TSPAN19: variants seen among roughly 807,000 people sequenced by gnomAD.
TSPAN19 encodes the protein tetraspanin-19.
A neutral mutation model predicts 35.1 loss-of-function variants in TSPAN19; 44 were observed. That is an observed-to-expected ratio of 1.25 (90% CI 0.98 to 1.61). TSPAN19 has a LOEUF of 1.61. Ranked by LOEUF, TSPAN19 falls within the 40% of genes most tolerant of loss-of-function variation. The pLI is 0.00. For synonymous variants in TSPAN19, 79 were observed against 92.0 expected (o/e 0.86, Z 0.81); for missense variants, 290 against 280.0 (o/e 1.04, Z -0.26).
chr12:85,017,077 C>T (rs764758477), intron 7 of TSPAN19: 1 of 196,400 alleles, frequency 5.1e-6, no homozygotes, highest in African/African-American at 2.4e-5. Flanking sequence ...GGTCCACTCC[C>T]TTTAGTTTTT....
chr12:85,031,668 C>G (rs1004043748), intron 1 of TSPAN19, among the ~76,000 whole-genome samples: 12 of 152,146 alleles, frequency 7.9e-5, no homozygotes, highest in African/African-American at 2.4e-4. Context: ...TTGGAGCTAA[C>G]TCTGGCCTGT....
At chr12:85,033,626 C>T (rs564389463) in intron 1 of TSPAN19, among the ~76,000 whole-genome samples, 40 of 152,028 alleles carry the variant, frequency 2.6e-4, no homozygotes, top group Non-Finnish European at 4.6e-4. Context: ...CCTTTATCGT[C>T]GATATTTTGC....
chr12:85,020,041 T>C (rs1273740002), intron 5 of TSPAN19, among the ~76,000 whole-genome samples: 1 of 151,930 alleles, frequency 6.6e-6, no homozygotes, highest in Non-Finnish European at 1.5e-5. Flanking sequence ...GGAAAAAAAC[T>C]GTAAAAGTAT....
At chr12:85,017,951 C>T (rs997415015) in intron 6 of TSPAN19, among the ~76,000 whole-genome samples, 1 of 151,822 alleles carries the variant, frequency 6.6e-6, no homozygotes. Flanking sequence ...TTGCTCCCAA[C>T]TGTAGCAGTT....
At chr12:85,034,062 C>T (rs1372483559) in intron 1 of TSPAN19, among the ~76,000 whole-genome samples, 3 of 151,974 alleles carry the variant, frequency 2.0e-5, no homozygotes, top group Non-Finnish European at 2.9e-5. Flanking sequence ...GTCATGACAG[C>T]AGCTGGGAGG....
rs1877607703 is a variant in TSPAN19, at chr12:85,029,929, TTTG to T, written c.15_17del (p.Asn5del). 2.1e-6 allele frequency: 3 copies of T among 1,457,166 alleles called. No individual in the cohort carries two copies. The highest frequency in any genetic ancestry group is 2.9e-5 in the African/African-American group (2 of 69,498). 90.3% of individuals were successfully genotyped at this position (1,457,166 alleles called of 1,614,324 possible). On this transcript the variant is annotated inframe_deletion, in exon 2 of 9. Coordinates refer to ENST00000532498, the MANE Select transcript of TSPAN19 (RefSeq NM_001100917.2). Reference sequence around the variant, plus strand: ...TAAGAAAGTACTTAATAATTATTGTTTTGTTATTTCTTAACATTCTTTTTCTTC... The same window carrying T: ...TAAGAAAGTACTTAATAATTATTGTTTTATTTCTTAACATTCTTTTTCTTC...
rs1175088888 is a variant in TSPAN19, at chr12:85,017,514, G to T, written c.536C>A (p.Thr179Lys). Residue 179 changes from threonine to lysine, a missense_variant, in exon 7 of 9, where the codon ACA becomes AAA. Coordinates refer to ENST00000532498, the MANE Select transcript of TSPAN19 (RefSeq NM_001100917.2). The part of the protein sequence containing the change: ...ENSGQVPCSC[T>K]KSTLRKWFCD... ...AAACCATTTTCTTAAAGTTGACTTTGTGCAAGAACATGGCACCTGTCCTGA... is the reference window on the plus strand; with the variant it reads ...AAACCATTTTCTTAAAGTTGACTTTTTGCAAGAACATGGCACCTGTCCTGA... The T allele has an allele frequency of 6.2e-7, 1 of 1,606,558 alleles. No individual in the cohort carries two copies. Among genetic ancestry groups the T allele is most frequent in the East Asian group, 2.2e-5 (1 of 44,556 alleles).
At chr12:85,023,845 GCTATTTC>G (rs1200046974) in intron 4 of TSPAN19, among the ~76,000 whole-genome samples, 1 of 151,988 alleles carries the variant, frequency 6.6e-6, no homozygotes, top group East Asian at 1.9e-4. Context: ...GTATACTTGG[GCTATTTC>G]CTGAAAACTG....
In TSPAN19 at chr12:85,036,267, CG is replaced by C. The variant is rs1308817532; in HGVS notation, c.-92del. On this transcript the variant is annotated 5_prime_UTR_variant, in exon 1 of 9. Coordinates refer to ENST00000532498, the MANE Select transcript of TSPAN19 (RefSeq NM_001100917.2). The stretch of plus-strand genomic sequence containing the variant: ...TGCTGCGTTCGTTTCAATTTAGAAT[CG>C]AGATTGTTTGTCCTTCTAGAGCACC... The C allele has an allele frequency of 6.6e-6, 1 of 152,192 alleles. No homozygotes were observed. The highest frequency in any genetic ancestry group is 1.5e-5 in the Non-Finnish European group (1 of 68,038). 9.4% of individuals were successfully genotyped at this position (152,192 alleles called of 1,614,324 possible).
intron 3 of TSPAN19, among the ~76,000 whole-genome samples, chr12:85,029,403 C>T (rs1024398792): frequency 7.2e-5 from 11 of 151,952 alleles, no homozygotes; most frequent in African/African-American, 2.4e-4. Flanking sequence ...TTAGCATGTC[C>T]GGTCATCTCA....
intron 4 of TSPAN19, among the ~76,000 whole-genome samples, chr12:85,025,638 G>A (rs994495882): frequency 1.3e-5 from 2 of 151,954 alleles, no homozygotes; most frequent in Admixed American, 1.3e-4. Flanking sequence ...CGATTCTCCT[G>A]CCTCAGCCTT....
At chr12:85,018,784 C>T (rs1876957184) in intron 6 of TSPAN19, among the ~76,000 whole-genome samples, 1 of 151,822 alleles carries the variant, frequency 6.6e-6, no homozygotes, top group African/African-American at 2.4e-5. Context: ...GCTGCGCAAT[C>T]CTCATTAAAT....
At chr12:85,021,391 G>A (rs1877115970) in intron 5 of TSPAN19, among the ~76,000 whole-genome samples, 1 of 151,908 alleles carries the variant, frequency 6.6e-6, no homozygotes, top group African/African-American at 2.4e-5. Flanking sequence ...ATACATTTAA[G>A]AAGATTAGAA....
intron 8 of TSPAN19, chr12:85,015,364 A>G (rs1876734893): frequency 6.6e-6 from 1 of 152,012 alleles, no homozygotes; most frequent in African/African-American, 2.4e-5. Context: ...TATATTCAAC[A>G]TCTAGTACAG....
At chr12:85,020,211 T>G (rs1179385481) in intron 5 of TSPAN19, among the ~76,000 whole-genome samples, 1 of 151,854 alleles carries the variant, frequency 6.6e-6, no homozygotes, top group Non-Finnish European at 1.5e-5. Context: ...ACTATAGTTA[T>G]GCAAGTTATA....
In TSPAN19 at chr12:85,022,000, T is replaced by C. The variant is rs530095829; in HGVS notation, c.339+1326A>G. 3.5e-4 allele frequency among the ~76,000 whole-genome samples: 53 copies of C among 152,234 alleles called. 1 individual carries two copies. In the South Asian group the frequency reaches 0.01, roughly 29 times the overall value. On this transcript the variant is annotated intron_variant, in intron 5 of 8. Coordinates refer to ENST00000532498, the MANE Select transcript of TSPAN19 (RefSeq NM_001100917.2). The stretch of plus-strand genomic sequence containing the variant: ...TTAATCAGTTCTTATTTCTAATATA[T>C]AGAGAGATACAGGAGTGTGTGCATA...
At chr12:85,014,622 C>A in intron 8 of TSPAN19, 67 bp from the exon 9 acceptor site, 1 of 1,205,176 alleles carries the variant, frequency 8.3e-7, no homozygotes, top group Non-Finnish European at 1.2e-6. Flanking sequence ...GCAAAGTTAA[C>A]AATATATAGT....
intron 3 of TSPAN19, 51 bp from the exon 4 acceptor site, chr12:85,028,074 G>T (rs551983101): frequency 1.4e-6 from 2 of 1,380,172 alleles, no homozygotes; most frequent in African/African-American, 1.5e-5. Flanking sequence ...TATATGAAGT[G>T]GTATTTTATT....
chr12:85,028,167 T>C, intron 3 of TSPAN19, 144 bp from the exon 4 acceptor site: 1 of 599,740 alleles, frequency 1.7e-6, no homozygotes, highest in Non-Finnish European at 2.7e-6. Context: ...TCTGTCTCTC[T>C]CTGTCTCTCA....
Sources: gnomAD v4.1 joint callset for allele counts (sites outside exome capture counted in the v4.1 genomes callset) on GRCh38, gnomAD v4.1.1 for gene constraint, MANE v1.5 for transcripts, NCBI Gene and HGNC (gene_info 2026-07-23, HGNC 2026-07-21) for gene names.